The following SUPT3H variants were observed in gnomAD, a reference collection of about 807,000 sequenced individuals.
SUPT3H encodes transcription initiation protein SPT3 homolog.
SUPT3H carries 44 observed loss-of-function variants against 44.3 expected under a neutral mutation model. That is an observed-to-expected ratio of 0.99 (90% CI 0.78 to 1.28). The LOEUF (loss-of-function observed/expected upper bound fraction) is 1.28, where lower values mean the gene tolerates loss of function less well. SUPT3H is among the 50% of genes most tolerant of loss of function. The pLI, the probability that SUPT3H is intolerant of heterozygous loss-of-function variation, is 0.00. For missense variants in SUPT3H, 380 were observed against 387.1 expected, an observed-to-expected ratio of 0.98 and a Z score of 0.15; for synonymous variants, 124 against 125.6, an observed-to-expected ratio of 0.99 and a Z score of 0.09.
intron 2 of SUPT3H, among the ~76,000 whole-genome samples, chr6:45,172,714 C>T (rs746259567): frequency 3.0e-4 from 45 of 151,952 alleles, no homozygotes; most frequent in Non-Finnish European, 4.9e-4. Context: ...GTCTCAGCCT[C>T]CCAAGTAGCT....
At chr6:45,009,694 T>C (rs918448969) in intron 5 of SUPT3H, among the ~76,000 whole-genome samples, 2 of 152,180 alleles carry the variant, frequency 1.3e-5, no homozygotes, top group African/African-American at 4.8e-5. Context: ...CCAGTACTGC[T>C]CTATCGTAAT....
chr6:45,045,812 G>A (rs1015956187), intron 3 of SUPT3H, among the ~76,000 whole-genome samples: 2 of 152,060 alleles, frequency 1.3e-5, no homozygotes, highest in African/African-American at 4.8e-5. Flanking sequence ...ATATTCTAAA[G>A]GCAAATTCTT....
At chr6:44,928,882 C>CAAAAAAAAAAAAAAAAAAAAAAAAAAA (rs35656937) in intron 10 of SUPT3H, among the ~76,000 whole-genome samples, 2 of 20,638 alleles carry the variant, frequency 9.7e-5, no homozygotes, top group Non-Finnish European at 1.5e-4. Context: ...GACTCCGTCT[C>CAAAAAAAAAAAAAAAAAAAAAAAAAAA]AAAAAAAAAA....
At chr6:45,138,370 G>A (rs993581149) in intron 2 of SUPT3H, among the ~76,000 whole-genome samples, 1 of 151,928 alleles carries the variant, frequency 6.6e-6, no homozygotes, top group African/African-American at 2.4e-5. Flanking sequence ...CCATCCAAGA[G>A]AACAGAGAAC....
chr6:45,104,091 G>T lies in SUPT3H; in HGVS notation c.186+1831C>A, dbSNP rs1798950923. On this transcript the variant is annotated intron_variant, in intron 3 of 10. Transcript: ENST00000371459. Reference sequence around the variant, plus strand: ...AAAAAAAGTTACAAGGCTTCTTCAGGATGAAGGAAAAGACTGAAATGGCAA... The same window carrying T: ...AAAAAAAGTTACAAGGCTTCTTCAGTATGAAGGAAAAGACTGAAATGGCAA... Among the ~76,000 whole-genome samples the T allele has an allele frequency of 2.0e-5, 3 of 152,110 alleles. No homozygotes were observed. The South Asian group carries it at 6.2e-4, about 31-fold the overall frequency.
chr6:45,178,904 A>C (rs9349314), intron 2 of SUPT3H, among the ~76,000 whole-genome samples: 1 of 150,142 alleles, frequency 6.7e-6, no homozygotes, highest in Non-Finnish European at 1.5e-5. Context: ...TCTCTGGGAC[A>C]CATTCAAAGC....
At chr6:45,297,877 G>C (rs1781545326) in intron 2 of SUPT3H, among the ~76,000 whole-genome samples, 1 of 152,016 alleles carries the variant, frequency 6.6e-6, no homozygotes, top group South Asian at 2.1e-4. Flanking sequence ...CTTGTATTAG[G>C]TACTTTACAC....
intron 10 of SUPT3H, among the ~76,000 whole-genome samples, chr6:44,888,938 G>T (rs1762798967): frequency 2.2e-5 from 2 of 91,592 alleles, no homozygotes; most frequent in Non-Finnish European, 4.5e-5. Context: ...CAAAATCAAT[G>T]TATAAAAATC....
intron 9 of SUPT3H, among the ~76,000 whole-genome samples, chr6:44,950,680 A>G (rs534019126): frequency 1.3e-5 from 2 of 152,232 alleles, no homozygotes; most frequent in Admixed American, 1.3e-4. Context: ...TAACCAGCCC[A>G]GTTCCTTATA....
rs1001442792 is a variant in SUPT3H at position 44,827,979 on chromosome 6, C to T, written c.*1837G>A. Among the ~76,000 whole-genome samples, 50 of 152,068 alleles carry T rather than the reference C, an allele frequency of 3.3e-4. No homozygotes were observed. The highest frequency in any genetic ancestry group is 1.2e-3 in the African/African-American group (50 of 41,434). The stretch of plus-strand genomic sequence containing the variant: ...TTTCTGAGAGAAATGTACATTGAGT[C>T]TTCCTTCTCTGGGACTATAAGGAGA... On this transcript the variant is annotated 3_prime_UTR_variant, in exon 11 of 11. Coordinates refer to ENST00000371459, the MANE Select transcript of SUPT3H (RefSeq NM_003599.4).
intron 4 of SUPT3H, 139 bp downstream of exon 4, chr6:45,020,407 C>A: frequency 1.6e-6 from 1 of 615,216 alleles, no homozygotes; most frequent in Non-Finnish European, 2.7e-6. Context: ...TTTTGTCGTC[C>A]AAACCATGAA....
At chr6:45,288,990 T>C (rs1476368154) in intron 2 of SUPT3H, among the ~76,000 whole-genome samples, 2 of 152,014 alleles carry the variant, frequency 1.3e-5, no homozygotes, top group Non-Finnish European at 2.9e-5. Flanking sequence ...TCCTCTAATA[T>C]AGGATCCATA....
intron 2 of SUPT3H, among the ~76,000 whole-genome samples, chr6:45,139,435 G>C (rs561382656): frequency 6.6e-6 from 1 of 152,268 alleles, no homozygotes. Context: ...ACAGCACATG[G>C]AGACTCACAC....
chr6:45,221,284 T>C (rs1489205200), intron 2 of SUPT3H, among the ~76,000 whole-genome samples: 1 of 152,142 alleles, frequency 6.6e-6, no homozygotes, highest in Non-Finnish European at 1.5e-5. Flanking sequence ...GACGAGTTAA[T>C]GGGTGCAGCA....
In SUPT3H at chr6:44,884,696, C is replaced by T. The variant is rs144907740; in HGVS notation, c.912+47957G>A. On this transcript the variant is annotated intron_variant, in intron 10 of 10. Transcript: ENST00000371459. ...CTCCCAGCATGAGCAATGCAGAAGA[C>T]GGGTGATTTCTGCATTTCTATCTGA... 3.5e-3 allele frequency among the ~76,000 whole-genome samples: 530 copies of T among 152,138 alleles called. 2 individuals carry two copies. Among genetic ancestry groups the T allele is most frequent in the African/African-American group, 0.012 (497 of 41,526 alleles).
intron 7 of SUPT3H, among the ~76,000 whole-genome samples, chr6:44,956,066 G>C (rs992489152): frequency 4.6e-5 from 7 of 151,396 alleles, no homozygotes; most frequent in Admixed American, 3.9e-4. Context: ...AGCTTACAGT[G>C]AGCCGAGATG....
intron 2 of SUPT3H, among the ~76,000 whole-genome samples, chr6:45,194,441 AAATC>A (rs984545457): frequency 1.8e-4 from 27 of 152,320 alleles, no homozygotes; most frequent in African/African-American, 6.0e-4. Flanking sequence ...CAAAATACAG[AAATC>A]ATAAGTTTAA....
chr6:45,068,994 A>AT (rs1793932515), intron 3 of SUPT3H, among the ~76,000 whole-genome samples: 2 of 151,888 alleles, frequency 1.3e-5, no homozygotes, highest in African/African-American at 4.8e-5. Flanking sequence ...AAAAAAATAA[A>AT]AAAAATAAAA....
intron 2 of SUPT3H, among the ~76,000 whole-genome samples, chr6:45,114,765 T>C (rs1243827289): frequency 6.6e-6 from 1 of 152,160 alleles, no homozygotes; most frequent in African/African-American, 2.4e-5. Flanking sequence ...CCGTCCCTAT[T>C]TGAGGAACAG....
Sources: gnomAD v4.1 joint callset for allele counts (sites outside exome capture counted in the v4.1 genomes callset) on GRCh38, gnomAD v4.1.1 for gene constraint, MANE v1.5 for transcripts, NCBI Gene and HGNC (gene_info 2026-07-23, HGNC 2026-07-21) for gene names.